VPS13C: variants seen among roughly 807,000 people sequenced by gnomAD.
VPS13C encodes the protein intermembrane lipid transfer protein VPS13C.
A neutral mutation model predicts 456.8 loss-of-function variants in VPS13C; 358 were observed. The observed-to-expected ratio is 0.78, with a 90% CI of 0.72 to 0.86. VPS13C has a LOEUF of 0.86. Ranked by LOEUF, VPS13C falls within the 40% of genes least tolerant of loss-of-function variation. The pLI, the probability that VPS13C is intolerant of heterozygous loss-of-function variation, is 0.00. For synonymous variants in VPS13C, 1,578 were observed against 1,486.7 expected (o/e 1.06, Z -1.41); for missense variants, 4,818 against 4,385.4 (o/e 1.10, Z -2.79).
chr15:62,059,781 C>T (rs1022130039), intron 1 of VPS13C, among the ~76,000 whole-genome samples: 12 of 152,188 alleles, frequency 7.9e-5, no homozygotes, highest in South Asian at 2.1e-4. Flanking sequence ...CCCGGTAATC[C>T]TAAAGAGAAG....
Position 61,853,019 on chromosome 15 carries a change from A to G in VPS13C, c.*1438T>C, listed in dbSNP as rs1893726038. On this transcript the variant is annotated 3_prime_UTR_variant, in exon 85 of 85. Coordinates refer to ENST00000644861, the MANE Select transcript of VPS13C (RefSeq NM_020821.3). ...AAATGTTGTTATGTTAAACATTATG[A>G]GCAAATCTAAAGGTTCAACCAAAAA... 6.6e-6 allele frequency: 1 copy of G among 152,206 alleles called. No homozygotes were observed. Among genetic ancestry groups the G allele is most frequent in the South Asian group, 2.1e-4 (1 of 4,830 alleles). The allele number at this position is 152,206 out of a possible 1,614,324, so 9.4% of individuals were successfully genotyped here.
At chr15:62,047,191 C>A (rs1385455425) in intron 1 of VPS13C, among the ~76,000 whole-genome samples, 1 of 151,464 alleles carries the variant, frequency 6.6e-6, no homozygotes, top group African/African-American at 2.4e-5. Context: ...TTTGAGAGGC[C>A]AAGGCAGGTG....
chr15:61,926,317 T>A (rs1426066670), intron 52 of VPS13C, among the ~76,000 whole-genome samples: 2 of 152,212 alleles, frequency 1.3e-5, no homozygotes, highest in Non-Finnish European at 2.9e-5. Context: ...GAAGGATTAC[T>A]TGAGCCCAGT....
In VPS13C at chr15:61,911,889, G is replaced by A. The variant is rs114843575; in HGVS notation, c.8666C>T (p.Ser2889Phe). The stretch of plus-strand genomic sequence containing the variant: ...TTTATTAGTTGGCATTGAGCCATCA[G>A]ATGCAATCTCGCCAACTTCTAGTTC... ...SLELEVGEIA[S>F]DGSMPTNKWN... Residue 2889 changes from serine (S) to phenylalanine (F), a missense_variant, in exon 63 of 85, where the codon TCT becomes TTT. Physicochemically the swap from Ser to Phe is radical, Grantham distance 155 (BLOSUM62 -2). This residue lies in a region of VPS13C where 4,552 missense variants were observed against 4,130.6 expected (regional missense o/e 1.10). Coordinates refer to ENST00000644861, the MANE Select transcript of VPS13C (RefSeq NM_020821.3). 4 of 1,612,568 alleles carry A rather than the reference G, an allele frequency of 2.5e-6. No homozygotes were observed. Among genetic ancestry groups the A allele is most frequent in the Middle Eastern group, 1.7e-4 (1 of 6,052 alleles).
At chr15:61,863,279 A>G (rs1002310151) in intron 82 of VPS13C, among the ~76,000 whole-genome samples, 161 bp downstream of exon 82, 3 of 152,170 alleles carry the variant, frequency 2.0e-5, no homozygotes, top group African/African-American at 7.2e-5. Context: ...CAAAGGACCT[A>G]TTTAGATCTG....
At chr15:61,990,000 A>C (rs879234785) in intron 18 of VPS13C, among the ~76,000 whole-genome samples, 1 of 152,208 alleles carries the variant, frequency 6.6e-6, no homozygotes, top group Admixed American at 6.5e-5. Context: ...ATGTTCATCA[A>C]CAACAGTACA....
chr15:61,978,340 GT>G (rs1470369934), intron 23 of VPS13C, among the ~76,000 whole-genome samples: 1 of 152,102 alleles, frequency 6.6e-6, no homozygotes, highest in African/African-American at 2.4e-5. Context: ...CTTCCATTTT[GT>G]GTTCTAAGCA....
intron 1 of VPS13C, among the ~76,000 whole-genome samples, chr15:62,053,045 A>T (rs1038814588): frequency 8.5e-5 from 13 of 152,232 alleles, no homozygotes; most frequent in African/African-American, 3.1e-4. Flanking sequence ...TTTAATTAGT[A>T]ATGCTACTTA....
At chr15:62,050,925 A>C (rs2048597245) in intron 1 of VPS13C, among the ~76,000 whole-genome samples, 1 of 151,840 alleles carries the variant, frequency 6.6e-6, no homozygotes, top group Non-Finnish European at 1.5e-5. Context: ...GAAGAGTTGG[A>C]GTCATCGCAA....
At position 61,869,555 on chromosome 15, in the gene VPS13C, G is replaced by A. The variant is rs749353938; in HGVS notation, c.10693C>T (p.Arg3565Cys). 21 of 1,613,916 alleles carry A rather than the reference G, an allele frequency of 1.3e-5. No individual in the cohort carries two copies. The highest frequency in any genetic ancestry group is 1.6e-4 in the Middle Eastern group (1 of 6,084). The change falls in exon 80 of 85, where the codon CGT becomes TGT. Residue 3565 changes from arginine (R) to cysteine (C), a missense_variant. Arg to Cys is a radical substitution (Grantham distance 180). This residue lies in a region of VPS13C where 261 missense variants were observed against 234.1 expected (regional missense o/e 1.11). Transcript: ENST00000644861. ...IGKGLVGAVA[R>C]PTGGIVDMAS... ...ATATCTACGATTCCACCAGTTGGAC[G>A]GGCCACAGCACCCACAAGCCCTTTT... is the stretch of plus-strand genomic sequence containing the variant.
chr15:62,012,220 AGAC>A, intron 11 of VPS13C, 56 bp from the exon 12 acceptor site: 1 of 796,246 alleles, frequency 1.3e-6, no homozygotes, highest in Non-Finnish European at 2.1e-6. Flanking sequence ...ATTCAGACTC[AGAC>A]ACACACACAC....
intron 5 of VPS13C, among the ~76,000 whole-genome samples, chr15:62,029,914 T>C (rs1024382070): frequency 6.6e-6 from 1 of 152,114 alleles, no homozygotes; most frequent in Non-Finnish European, 1.5e-5. Context: ...TAAAAGCTTC[T>C]AGATGTGTTC....
rs2140877676 is a variant in VPS13C at position 61,871,899 on chromosome 15, T to A, written c.10624+90A>T. 2.6e-6 allele frequency: 3 copies of A among 1,140,776 alleles called. No homozygotes were observed. In the East Asian group the frequency reaches 7.3e-5, roughly 28 times the overall value. 70.7% of individuals were successfully genotyped at this position (1,140,776 alleles called of 1,614,324 possible). ...AAAATTCAGTCAGTAATTTTCTCAA[T>A]CAAGTATATAGCAGCAATAACATCT... On this transcript the variant is annotated intron_variant, in intron 79 of 84. Transcript: ENST00000644861.
Position 61,967,430 on chromosome 15 carries a change from G to A in VPS13C, c.2929C>T (p.Leu977Phe). Residue 977 changes from leucine to phenylalanine, a missense_variant, in exon 29 of 85, where the codon CTT (leucine) becomes TTT (phenylalanine). By Grantham distance (22) the Leu-to-Phe change is conservative (BLOSUM62 0). Around this residue, in one of 3 missense-constraint regions of VPS13C, gnomAD observed 4,552 missense variants for 4,130.6 expected, o/e 1.10. Transcript: ENST00000644861. ...HEIEGSKRKP[L>F]HLISSSDKPG... ...TTGTCAGAAGAGCTAATCAAGTGAA[G>A]GGGCTTCCTTTTGGATCCTAGATTA... is the stretch of plus-strand genomic sequence containing the variant. 1 of 1,600,788 alleles carries A rather than the reference G, an allele frequency of 6.2e-7. No individual in the cohort carries two copies. Among genetic ancestry groups the A allele is most frequent in the Non-Finnish European group, 8.5e-7 (1 of 1,174,744 alleles).
At position 61,919,445 on chromosome 15, in the gene VPS13C, A is replaced by G; in HGVS notation, c.7482T>C (p.Pro2494=). 6.3e-7 allele frequency: 1 copy of G among 1,579,434 alleles called. No individual in the cohort carries two copies. Among genetic ancestry groups the G allele is most frequent in the East Asian group, 2.3e-5 (1 of 42,736 alleles). The change falls in exon 58 of 85, where the codon CCT becomes CCC. Residue 2494 remains proline (P), a synonymous_variant. Coordinates refer to ENST00000644861, the MANE Select transcript of VPS13C (RefSeq NM_020821.3). ...TATTTGCAACTTCTGTATATCCATG[A>G]GGTACTAAGGCAGTGCATAAGTGAA... is the stretch of plus-strand genomic sequence containing the variant. ...ESSFFTLTIV[P]HGYTEVANIP... is the part of the protein sequence containing the mutation.
intron 20 of VPS13C, among the ~76,000 whole-genome samples, chr15:61,983,141 T>C (rs1386964024): frequency 6.6e-6 from 1 of 152,152 alleles, no homozygotes; most frequent in Non-Finnish European, 1.5e-5. Flanking sequence ...TTTTTAATTA[T>C]AAAATATAAG....
intron 3 of VPS13C, among the ~76,000 whole-genome samples, chr15:62,039,705 T>C (rs1042222253): frequency 1.3e-5 from 2 of 152,068 alleles, no homozygotes; most frequent in Non-Finnish European, 2.9e-5. Flanking sequence ...AGATAGGCAA[T>C]AACAAATGTT....
chr15:61,970,287 T>A (rs188832416), intron 27 of VPS13C, among the ~76,000 whole-genome samples: 199 of 152,278 alleles, frequency 1.3e-3, no homozygotes, highest in Non-Finnish European at 2.1e-3. Context: ...AACATCAGAA[T>A]GCAACCGAAT....
chr15:61,878,731 A>G lies in VPS13C; in HGVS notation c.10018T>C (p.Ser3340Pro), dbSNP rs1428837360. 6.2e-7 allele frequency: 1 copy of G among 1,605,750 alleles called. No individual in the cohort carries two copies. The highest frequency in any genetic ancestry group is 1.3e-5 in the African/African-American group (1 of 74,540). The part of the protein sequence containing the change: ...ISPVKLHLSL[S>P]LGSGGEESDK... The stretch of plus-strand genomic sequence containing the variant: ...GATTCTTCACCTCCGGAACCCAAAG[A>G]CAAACTCAAATGCAACTAAAAGAAA... The change falls in exon 74 of 85, where the codon TCT becomes CCT. Residue 3340 changes from serine to proline, a missense_variant. By Grantham distance (74) the Ser-to-Pro change is moderately conservative. This residue lies in a region of VPS13C where 4,552 missense variants were observed against 4,130.6 expected (regional missense o/e 1.10). Coordinates refer to ENST00000644861, the MANE Select transcript of VPS13C (RefSeq NM_020821.3).
Sources: allele counts gnomAD v4.1 joint callset (sites outside exome capture counted in the v4.1 genomes callset), GRCh38; gene constraint gnomAD v4.1.1; regional missense constraint gnomAD v4.1.1; transcripts MANE v1.5; gene names NCBI Gene and HGNC (gene_info 2026-07-23, HGNC 2026-07-21).